DNAJC25: variants seen among roughly 807,000 people sequenced by gnomAD.
DNAJC25 encodes dnaJ homolog subfamily C member 25.
DNAJC25 carries 26 observed loss-of-function variants against 42.1 expected under a neutral mutation model. That is an observed-to-expected ratio of 0.62 (90% CI 0.45 to 0.86). The LOEUF (loss-of-function observed/expected upper bound fraction) is 0.86, where lower values mean the gene tolerates loss of function less well. Among genes scored for constraint, DNAJC25 ranks in the 40% least tolerant of loss-of-function variants. The probability of loss-of-function intolerance (pLI) is 0.00; values close to 1 mark genes in which losing one functional copy is unlikely to be tolerated. For missense variants in DNAJC25, 404 were observed against 459.4 expected (o/e 0.88, Z 1.10); for synonymous variants, 189 against 179.9 (o/e 1.05, Z -0.40).
rs1013399598 is a variant in DNAJC25, at chr9:111,651,285, A to G, written c.960+1362A>G. Among the ~76,000 whole-genome samples the G allele has an allele frequency of 3.6e-5, 5 of 139,630 alleles. No homozygotes were observed. The East Asian group carries it at 8.9e-4, about 25-fold the overall frequency. The allele number at this position is 139,630 out of a possible 152,430, so 91.6% of individuals were successfully genotyped here. A position where few individuals can be genotyped will look rare whatever the true frequency, so the allele number is the denominator to read the frequency against. Reference sequence around the variant, plus strand: ...TCTCAAAAAAAAAAAAAAAAAAAAAATGTTATTTAGTTACAGCGTACCAGT... The same window carrying G: ...TCTCAAAAAAAAAAAAAAAAAAAAAGTGTTATTTAGTTACAGCGTACCAGT... On this transcript the variant is annotated intron_variant, in intron 3 of 3. Coordinates refer to ENST00000313525, the MANE Select transcript of DNAJC25 (RefSeq NM_001015882.3).
At chr9:111,631,826 G>C (rs1383359468) in intron 1 of DNAJC25, 83 bp downstream of exon 1, 1 of 1,431,810 alleles carries the variant, frequency 7.0e-7, no homozygotes, top group Non-Finnish European at 9.1e-7. Flanking sequence ...CGCGGAGCGT[G>C]GGCCTCTGTG....
chr9:111,650,299 TA>T (rs34802905), intron 3 of DNAJC25, among the ~76,000 whole-genome samples: 18,469 of 127,692 alleles, frequency 0.14, 1,787 homozygotes, highest in African/African-American at 0.31. Flanking sequence ...CACAGAGACT[TA>T]AAAAAAAAAA....
chr9:111,653,058 C>T (rs757001164), intron 3 of DNAJC25, 42 bp from the exon 4 acceptor site: 41 of 1,492,454 alleles, frequency 2.7e-5, no homozygotes, highest in Non-Finnish European at 3.5e-5. Flanking sequence ...GGCAAATGTT[C>T]CTCTTTGGAT....
intron 1 of DNAJC25, among the ~76,000 whole-genome samples, chr9:111,644,143 C>T (rs1300767839): frequency 2.0e-5 from 3 of 152,042 alleles, no homozygotes; most frequent in Non-Finnish European, 4.4e-5. Context: ...TAATCATGGC[C>T]AAAACAGGGT....
intron 1 of DNAJC25, among the ~76,000 whole-genome samples, chr9:111,641,287 C>T (rs1589343701): frequency 6.9e-6 from 1 of 145,176 alleles, no homozygotes; most frequent in African/African-American, 2.5e-5. Context: ...CGCCTCTGCC[C>T]GGCCGCCCCT....
At chr9:111,641,576 T>G (rs1231796334) in intron 1 of DNAJC25, among the ~76,000 whole-genome samples, 4 of 67,072 alleles carry the variant, frequency 6.0e-5, no homozygotes, top group Non-Finnish European at 8.4e-5. Context: ...GGGAGGGAGG[T>G]GGGGGGGTCG....
chr9:111,644,917 A>G (rs987871476), intron 1 of DNAJC25, among the ~76,000 whole-genome samples: 1 of 152,220 alleles, frequency 6.6e-6, no homozygotes, highest in Non-Finnish European at 1.5e-5. Context: ...TGATCCTTAT[A>G]TAGGTTTACC....
rs1378240422 is a variant in DNAJC25 at position 111,652,005 on chromosome 9, A to G, written c.961-1095A>G. Among the ~76,000 whole-genome samples the G allele has an allele frequency of 5.3e-5, 8 of 152,238 alleles. No homozygotes were observed. The East Asian group carries it at 1.3e-3, about 26-fold the overall frequency. On this transcript the variant is annotated intron_variant, in intron 3 of 3. Transcript: ENST00000313525. ...GTGTAAGTTCAGTTTGGAGATAAAC[A>G]TGTATGTAAGGTCATTTTGTTCCTT...
At chr9:111,640,124 C>T (rs553907206) in intron 1 of DNAJC25, among the ~76,000 whole-genome samples, 80 of 142,080 alleles carry the variant, frequency 5.6e-4, no homozygotes, top group Middle Eastern at 6.9e-3. Flanking sequence ...GACGGGGTTT[C>T]GCTGTGTTGG....
At chr9:111,643,343 AG>A (rs1223309790) in intron 1 of DNAJC25, among the ~76,000 whole-genome samples, 1 of 152,200 alleles carries the variant, frequency 6.6e-6, no homozygotes, top group Non-Finnish European at 1.5e-5. Context: ...TAGGCCTTGG[AG>A]TTACCCTACC....
At chr9:111,632,581 T>TAGG (rs1830300920) in intron 1 of DNAJC25, among the ~76,000 whole-genome samples, 1 of 152,200 alleles carries the variant, frequency 6.6e-6, no homozygotes, top group South Asian at 2.1e-4. Flanking sequence ...TCAAACCATC[T>TAGG]AGGACATCAC....
In DNAJC25 at chr9:111,639,948, C is replaced by G. The variant is rs796807600; in HGVS notation, c.337-7159C>G. On this transcript the variant is annotated intron_variant, in intron 1 of 3. Coordinates refer to ENST00000313525, the MANE Select transcript of DNAJC25 (RefSeq NM_001015882.3). ...TCTCCCTCTCCGTCTCCGTCTCCGT[C>G]TCCGTCTCCGTCTCCCCATGGTCTC... 2.9e-3 allele frequency among the ~76,000 whole-genome samples: 441 copies of G among 149,500 alleles called. 1 individual carries two copies. The highest frequency in any genetic ancestry group is 0.01 in the Middle Eastern group (3 of 294).
At position 111,632,657 on chromosome 9, in the gene DNAJC25, C is replaced by T. The variant is rs73656276; in HGVS notation, c.336+914C>T. ...GGGCCCCATCATACTAATGCGTCAG[C>T]GATTGTAGTTGTAAAGTATTTCTTT... is the stretch of plus-strand genomic sequence containing the variant. On this transcript the variant is annotated intron_variant, in intron 1 of 3. Transcript: ENST00000313525. Among the ~76,000 whole-genome samples, 1,146 of 150,038 alleles carry T rather than the reference C, an allele frequency of 7.6e-3. 10 individuals are homozygous for T. The highest frequency in any genetic ancestry group is 0.027 in the African/African-American group (1,100 of 40,824).
In DNAJC25 at chr9:111,649,482, G is replaced by A. The variant is rs1322144636; in HGVS notation, c.519G>A (p.Lys173=). The change falls in exon 3 of 4, where the codon AAG becomes AAA. Residue 173 remains lysine (K), a synonymous_variant. Coordinates refer to ENST00000313525, the MANE Select transcript of DNAJC25 (RefSeq NM_001015882.3). ...TCAGCTGGTGGAATAGCTACAATAA[G>A]GCAATCAGCTACCTAGCCACAGTGC... ...QFFSWWNSYN[K]AISYLATVPK... is the part of the protein sequence containing the mutation. The A allele has an allele frequency of 3.1e-6, 5 of 1,598,180 alleles. No homozygotes were observed. In the East Asian group the frequency reaches 1.1e-4, roughly 36 times the overall value.
intron 1 of DNAJC25, chr9:111,642,722 C>T: frequency 3.7e-6 from 1 of 267,940 alleles, no homozygotes; most frequent in Admixed American, 3.9e-5. Flanking sequence ...TGATTTCCTT[C>T]AAGGGCAGGA....
intron 1 of DNAJC25, among the ~76,000 whole-genome samples, 165 bp downstream of exon 1, chr9:111,631,908 A>C (rs895961591): frequency 1.3e-5 from 2 of 152,200 alleles, no homozygotes; most frequent in African/African-American, 4.8e-5. Flanking sequence ...CCTGTGAAAG[A>C]GCCGAGTCGG....
Position 111,647,064 on chromosome 9 carries a change from T to C in DNAJC25, c.337-43T>C, listed in dbSNP as rs181349932. On this transcript the variant is annotated intron_variant, in intron 1 of 3. Coordinates refer to ENST00000313525, the MANE Select transcript of DNAJC25 (RefSeq NM_001015882.3). ...TAACAGATTATAAACTAAGGCCATT[T>C]AATGGACTGTCCTATGAAGTTGGAT... 80 of 1,564,382 alleles carry C rather than the reference T, an allele frequency of 5.1e-5. No individual in the cohort carries two copies. The African/African-American group carries it at 8.3e-4, about 16-fold the overall frequency.
intron 1 of DNAJC25, among the ~76,000 whole-genome samples, chr9:111,634,224 T>C (rs1380915566): frequency 6.6e-6 from 1 of 152,232 alleles, no homozygotes; most frequent in Non-Finnish European, 1.5e-5. Flanking sequence ...CAAGAACTAT[T>C]TACCTCATTG....
At chr9:111,635,935 C>T (rs573408303) in intron 1 of DNAJC25, among the ~76,000 whole-genome samples, 3 of 152,268 alleles carry the variant, frequency 2.0e-5, no homozygotes, top group Admixed American at 1.3e-4. Context: ...GTTTATTGTT[C>T]GTTCCTTATA....
Sources: allele counts gnomAD v4.1 joint callset (sites outside exome capture counted in the v4.1 genomes callset), GRCh38; gene constraint gnomAD v4.1.1; transcripts MANE v1.5; gene names NCBI Gene and HGNC (gene_info 2026-07-23, HGNC 2026-07-21).